The following RANBP2 variants were observed in gnomAD, a reference collection of about 807,000 sequenced individuals.
RANBP2 encodes RAN binding protein 2.
Under a neutral mutation model 303.6 loss-of-function variants are expected in RANBP2, and 57 were observed. That is an observed-to-expected ratio of 0.19 (90% CI 0.15 to 0.23). The LOEUF (loss-of-function observed/expected upper bound fraction) is 0.23, where lower values mean the gene tolerates loss of function less well. Ranked by LOEUF, RANBP2 falls within the 10% of genes least tolerant of loss-of-function variation. The pLI, the probability that RANBP2 is intolerant of heterozygous loss-of-function variation, is 1.00. For missense variants in RANBP2, 3,138 were observed against 3,780.8 expected (o/e 0.83, Z 4.46); for synonymous variants, 1,167 against 1,301.5 (o/e 0.90, Z 2.23).
chr2:109,620,567 T>G, the RANBP2 span, among the ~76,000 whole-genome samples: 1 of 152,098 alleles, frequency 6.6e-6, no homozygotes, highest in South Asian at 2.1e-4. Flanking sequence ...CTGAGCATGG[T>G]GGTGCATGCC....
chr2:109,560,618 G>T, the RANBP2 span, among the ~76,000 whole-genome samples: 1 of 152,258 alleles, frequency 6.6e-6, no homozygotes, highest in African/African-American at 2.4e-5. Flanking sequence ...ACCCCAAAGT[G>T]CTTACTTGTA....
chr2:108,787,985 A>T (rs780982366), downstream of RANBP2: 2 of 1,390,116 alleles, frequency 1.4e-6, no homozygotes, highest in Non-Finnish European at 2.0e-6. Context: ...TTGAGACAGT[A>T]AATTGATTTT....
chr2:109,569,409 G>A, the RANBP2 span, among the ~76,000 whole-genome samples: 1 of 145,086 alleles, frequency 6.9e-6, no homozygotes, highest in African/African-American at 2.6e-5. Context: ...CCACACTTCA[G>A]CCTGGGCAAC....
chr2:109,545,185 T>C, the RANBP2 span: 1 of 984,992 alleles, frequency 1.0e-6, no homozygotes, highest in Admixed American at 6.2e-5. Flanking sequence ...GTAGCTAGAG[T>C]AAACTGAGGC....
At chr2:108,788,577 G>A (rs1410425219), downstream of RANBP2, among the ~76,000 whole-genome samples, 2 of 151,782 alleles carry the variant, frequency 1.3e-5, no homozygotes, top group Non-Finnish European at 2.9e-5. Context: ...AAAATTAGCC[G>A]GGTGTGGTGG....
chr2:109,203,560 G>C, the RANBP2 span, among the ~76,000 whole-genome samples: 1 of 152,130 alleles, frequency 6.6e-6, no homozygotes, highest in African/African-American at 2.4e-5. Context: ...CTCTGGGACT[G>C]CTCCATGTGG....
the RANBP2 span, among the ~76,000 whole-genome samples, chr2:109,639,866 A>G: frequency 6.6e-6 from 1 of 151,352 alleles, no homozygotes; most frequent in Non-Finnish European, 1.5e-5. Flanking sequence ...GCATGCCACC[A>G]TGCCTGGTTA....
chr2:108,896,733 T>C, the RANBP2 span: 4 of 641,598 alleles, frequency 6.2e-6, no homozygotes, highest in Non-Finnish European at 1.1e-5. Context: ...TCCTTTATCT[T>C]TGGTTAAATT....
the RANBP2 span, among the ~76,000 whole-genome samples, chr2:109,447,984 TCTC>T: frequency 6.6e-6 from 1 of 152,122 alleles, no homozygotes; most frequent in Non-Finnish European, 1.5e-5. Flanking sequence ...GTGGGCGGCT[TCTC>T]CTCCAGGCTG....
intron 25 of RANBP2, 99 bp from the exon 26 acceptor site, chr2:108,781,170 A>G (rs1345256878): frequency 3.4e-6 from 4 of 1,166,126 alleles, no homozygotes; most frequent in African/African-American, 1.5e-5. Flanking sequence ...TGATGTACAT[A>G]TTACATCATC....
chr2:109,156,782 T>C, the RANBP2 span, among the ~76,000 whole-genome samples: 1 of 152,114 alleles, frequency 6.6e-6, no homozygotes, highest in East Asian at 1.9e-4. Flanking sequence ...GAAGGGTTGT[T>C]GTAGGAGATA....
At chr2:109,289,171 C>T in the RANBP2 span, among the ~76,000 whole-genome samples, 2 of 152,168 alleles carry the variant, frequency 1.3e-5, no homozygotes, top group African/African-American at 4.8e-5. Flanking sequence ...CCCTGTCTCT[C>T]TCTCTCTGCA....
the RANBP2 span, among the ~76,000 whole-genome samples, chr2:109,221,215 C>T: frequency 6.6e-6 from 1 of 152,198 alleles, no homozygotes; most frequent in Non-Finnish European, 1.5e-5. Context: ...TCCTAGTCAG[C>T]CTCTCTTAAT....
chr2:109,045,442 A>G, the RANBP2 span, among the ~76,000 whole-genome samples: 1 of 152,212 alleles, frequency 6.6e-6, no homozygotes, highest in Non-Finnish European at 1.5e-5. Flanking sequence ...AAGGGCTTTA[A>G]TGTCACAGAA....
the RANBP2 span, among the ~76,000 whole-genome samples, chr2:109,686,317 T>A: frequency 3.3e-5 from 5 of 152,078 alleles, no homozygotes; most frequent in Admixed American, 1.3e-4. Context: ...TTGGTTTTAG[T>A]ACTTTTTTTT....
chr2:109,258,295 C>T, the RANBP2 span, among the ~76,000 whole-genome samples: 2 of 152,118 alleles, frequency 1.3e-5, no homozygotes, highest in African/African-American at 2.4e-5. Context: ...ATGCAGTGGC[C>T]GCTGTGACAG....
the RANBP2 span, chr2:108,816,217 G>C: frequency 1.3e-6 from 1 of 746,912 alleles, no homozygotes; most frequent in Non-Finnish European, 2.1e-6. Flanking sequence ...TTGGGAGTTC[G>C]AGCTGGGCAG....
At chr2:109,300,324 C>G in the RANBP2 span, among the ~76,000 whole-genome samples, 1 of 152,000 alleles carries the variant, frequency 6.6e-6, no homozygotes, top group Admixed American at 6.6e-5. Flanking sequence ...GGACTATAGT[C>G]GCACGCCACC....
chr2:109,458,794 G>A, the RANBP2 span, among the ~76,000 whole-genome samples: 144 of 152,294 alleles, frequency 9.5e-4, 1 homozygote, highest in Non-Finnish European at 1.9e-3. Context: ...CATTATCAAG[G>A]TATGTACTTT....
Sources: allele counts gnomAD v4.1 joint callset (sites outside exome capture counted in the v4.1 genomes callset), GRCh38; gene constraint gnomAD v4.1.1; transcripts MANE v1.5; gene names NCBI Gene and HGNC (gene_info 2026-07-23, HGNC 2026-07-21).